Variants in TNNI1 observed in about 807,000 individuals in gnomAD.
TNNI1 encodes troponin I, slow skeletal muscle.
TNNI1 carries 14 observed loss-of-function variants against 26.7 expected under a neutral mutation model. The ratio of observed to expected loss-of-function variants is 0.52; its 90% CI spans 0.35 to 0.82. The LOEUF (loss-of-function observed/expected upper bound fraction) is 0.82. Among genes scored for constraint, TNNI1 ranks in the 40% least tolerant of loss-of-function variants. TNNI1 has a pLI of 0.01. For missense variants in TNNI1, 164 were observed against 257.0 expected, an observed-to-expected ratio of 0.64 and a Z score of 2.47; for synonymous variants, 79 against 98.2, an observed-to-expected ratio of 0.80 and a Z score of 1.16.
intron 8 of TNNI1, among the ~76,000 whole-genome samples, 152 bp from the exon 9 acceptor site, chr1:201,409,402 C>A (rs74136615): frequency 1.4e-3 from 210 of 152,304 alleles, no homozygotes; most frequent in African/African-American, 4.4e-3. Flanking sequence ...TCCTACAAAA[C>A]CTCAGCTTCT....
chr1:201,406,775 C>G lies in TNNI1; in HGVS notation c.*2478G>C, dbSNP rs1302032053. 1.3e-5 allele frequency: 2 copies of G among 152,444 alleles called. No homozygotes were observed. The highest frequency in any genetic ancestry group is 2.9e-5 in the Non-Finnish European group (2 of 68,178). 9.4% of individuals were successfully genotyped at this position (152,444 alleles called of 1,614,324 possible). On this transcript the variant is annotated 3_prime_UTR_variant, in exon 9 of 9. Transcript: ENST00000361379. ...CCTTCCCCTTGTCCACAGGGCCTCT[C>G]AATCCTTGCGCTCCAGATATGTCTA...
At chr1:201,412,902 C>A in intron 6 of TNNI1, 130 bp downstream of exon 6, 1 of 896,038 alleles carries the variant, frequency 1.1e-6, no homozygotes, top group Non-Finnish European at 1.8e-6. Flanking sequence ...GCAGACAAAC[C>A]AAAGTTTCCT....
At chr1:201,415,085 C>T (rs376095361) in intron 4 of TNNI1, 128 bp downstream of exon 4, 4 of 843,074 alleles carry the variant, frequency 4.7e-6, no homozygotes, top group East Asian at 2.6e-5. Context: ...GGACTCCTGC[C>T]CCTCATCATC....
chr1:201,409,302 G>C (rs1277388963), intron 8 of TNNI1, 52 bp from the exon 9 acceptor site: 3 of 152,266 alleles, frequency 2.0e-5, no homozygotes, highest in African/African-American at 7.2e-5. Flanking sequence ...TGTGTGCAGC[G>C]CATGAATCCC....
chr1:201,410,606 C>T (rs537872785), intron 7 of TNNI1, among the ~76,000 whole-genome samples, 171 bp from the exon 8 acceptor site: 21 of 152,322 alleles, frequency 1.4e-4, no homozygotes, highest in Non-Finnish European at 2.4e-4. Context: ...CAGGCCAAGC[C>T]GAGGCCCCAC....
In TNNI1 at chr1:201,414,518, C is replaced by T; in HGVS notation, c.189G>A (p.Gln63=). ...GCCCCGCCCCACCTGCCAGGCTAAC[C>T]TGCAGGGCACTGAGGGACAGGCCAC... is the stretch of plus-strand genomic sequence containing the variant. ...QTRGLSLSAL[Q]DLCRELHAKV... is the part of the protein sequence containing the mutation. Residue 63 remains glutamine (Q), a splice_region_variant and synonymous_variant, in exon 5 of 9, where the codon CAG becomes CAA. Transcript: ENST00000361379. 1 of 1,592,162 alleles carries T rather than the reference C, an allele frequency of 6.3e-7. No homozygotes were observed.
At chr1:201,420,434 C>G (rs1409367556) in intron 1 of TNNI1, among the ~76,000 whole-genome samples, 2 of 152,080 alleles carry the variant, frequency 1.3e-5, no homozygotes, top group South Asian at 2.1e-4. Flanking sequence ...ATCCTCCCCC[C>G]GAGGGGGGGA....
At chr1:201,413,263 A>T in intron 5 of TNNI1, 142 bp from the exon 6 acceptor site, 1 of 800,944 alleles carries the variant, frequency 1.2e-6, no homozygotes, top group South Asian at 1.5e-5. Context: ...TCTGAGGCTC[A>T]TGACGGGCAA....
At position 201,413,112 on chromosome 1, in the gene TNNI1, G is replaced by T. The variant is rs2296695; in HGVS notation, c.199C>A (p.Arg67=). The T allele has an allele frequency of 6.2e-7, 1 of 1,613,864 alleles. No individual in the cohort carries two copies. The highest frequency in any genetic ancestry group is 1.3e-5 in the African/African-American group (1 of 74,910). ...LSLSALQDLC[R]ELHAKVEVVD... ...ACCTCCACCTTGGCGTGCAGCTCCC[G>T]GCACAGGTCCTGGGGGCCGCAGATG... The change falls in exon 6 of 9, where the codon CGG becomes AGG. Residue 67 remains arginine (R), a synonymous_variant. Coordinates refer to ENST00000361379, the MANE Select transcript of TNNI1 (RefSeq NM_003281.4).
At chr1:201,418,506 C>T (rs1210688509) in intron 1 of TNNI1, among the ~76,000 whole-genome samples, 2 of 151,274 alleles carry the variant, frequency 1.3e-5, no homozygotes, top group East Asian at 3.9e-4. Context: ...GTGTAGCTCA[C>T]TCATGAGGGC....
At chr1:201,417,882 G>A in intron 1 of TNNI1, 70 bp from the exon 2 acceptor site, 1 of 1,170,392 alleles carries the variant, frequency 8.5e-7, no homozygotes. Context: ...TGGGCCTTGG[G>A]AGCCCAGCCT....
intron 3 of TNNI1, 132 bp downstream of exon 3, chr1:201,416,984 T>C (rs563478786): frequency 9.4e-7 from 1 of 1,067,854 alleles, no homozygotes; most frequent in South Asian, 1.3e-5. Flanking sequence ...AGCCACTAAA[T>C]ACCCTACACC....
chr1:201,414,488 A>G (rs2026593), intron 5 of TNNI1, 30 bp downstream of exon 5: 1,282,062 of 1,530,440 alleles, frequency 0.84, 537,263 homozygotes, highest in Admixed American at 0.88. Context: ...CTCCAGCCCC[A>G]CCCTGCCCCG....
Position 201,411,343 on chromosome 1 carries a change from G to A in TNNI1, c.456+14C>T, listed in dbSNP as rs897838591. The stretch of plus-strand genomic sequence containing the variant: ...AGGGCAGAGGGTGGAATGTTCTGAG[G>A]AAAGGGACCTCACCTTCTCTGTGTC... On this transcript the variant is annotated intron_variant, in intron 7 of 8. Transcript: ENST00000361379. The surrounding 1 kb of genome is among the most constrained non-coding windows in gnomAD (Gnocchi z 4.6). 6.2e-7 allele frequency: 1 copy of A among 1,613,312 alleles called. No homozygotes were observed. Among genetic ancestry groups the A allele is most frequent in the South Asian group, 1.1e-5 (1 of 90,870 alleles).
Position 201,406,686 on chromosome 1 carries a change from G to T in TNNI1, c.*2567C>A, listed in dbSNP as rs934150549. On this transcript the variant is annotated 3_prime_UTR_variant, in exon 9 of 9. Transcript: ENST00000361379. ...GGGCTCTCCAGAGGCCAGGCCCCCAGCCCAGGCCCCATTCTTGGCTACAAC... is the reference window on the plus strand; with the variant it reads ...GGGCTCTCCAGAGGCCAGGCCCCCATCCCAGGCCCCATTCTTGGCTACAAC... 1.3e-5 allele frequency: 2 copies of T among 152,214 alleles called. No individual in the cohort carries two copies. The highest frequency in any genetic ancestry group is 4.8e-5 in the African/African-American group (2 of 41,434). 9.4% of individuals were successfully genotyped at this position (152,214 alleles called of 1,614,324 possible). A position where few individuals can be genotyped will look rare whatever the true frequency, so the allele number is the denominator to read the frequency against.
chr1:201,417,164 AGAGT>A lies in TNNI1; in HGVS notation c.12-49_12-46del, dbSNP rs570320395. 14 of 1,613,780 alleles carry A rather than the reference AGAGT, an allele frequency of 8.7e-6. 1 individual carries two copies. In the South Asian group the frequency reaches 1.3e-4, roughly 15 times the overall value. On this transcript the variant is annotated intron_variant, in intron 2 of 8. Transcript: ENST00000361379. Reference sequence around the variant, plus strand: ...GAAGGACGGGGAAAGAGCAGAACACAGAGTGAGTATGAACAATGAGGATTACATG... The same window carrying A: ...GAAGGACGGGGAAAGAGCAGAACACAGAGTATGAACAATGAGGATTACATG...
chr1:201,413,504 G>A (rs1243271074), intron 5 of TNNI1, among the ~76,000 whole-genome samples: 1 of 151,970 alleles, frequency 6.6e-6, no homozygotes, highest in African/African-American at 2.4e-5. Flanking sequence ...CCAGCACTTT[G>A]GGAGGCCAAG....
intron 7 of TNNI1, among the ~76,000 whole-genome samples, chr1:201,410,851 T>C (rs1336166640): frequency 3.3e-5 from 5 of 152,246 alleles, no homozygotes; most frequent in Non-Finnish European, 5.9e-5. Context: ...CTGAAGCTTC[T>C]TGGGCCAGAG....
At chr1:201,416,983 A>G (rs1053851512) in intron 3 of TNNI1, 133 bp downstream of exon 3, 4 of 1,064,080 alleles carry the variant, frequency 3.8e-6, no homozygotes, top group Admixed American at 1.8e-5. Context: ...CAGCCACTAA[A>G]TACCCTACAC....
Sources: allele counts gnomAD v4.1 joint callset (sites outside exome capture counted in the v4.1 genomes callset), GRCh38; gene constraint gnomAD v4.1.1; non-coding constraint Gnocchi (gnomAD v3.1); transcripts MANE v1.5; gene names NCBI Gene and HGNC (gene_info 2026-07-23, HGNC 2026-07-21).